The following BBOF1 variants were observed in gnomAD, a reference collection of about 807,000 sequenced individuals.
BBOF1 encodes basal body orientation factor 1, also known as basal body-orientation factor 1.
BBOF1 carries 62 observed loss-of-function variants against 68.0 expected under a neutral mutation model. That is an observed-to-expected ratio of 0.91 (90% CI 0.74 to 1.13). The LOEUF is 1.13. BBOF1 is among the 50% of genes most tolerant of loss of function. The pLI is 0.00. For synonymous variants in BBOF1, 208 were observed against 198.8 expected (o/e 1.05, Z -0.39); for missense variants, 534 against 600.1 (o/e 0.89, Z 1.15).
rs1162199131 is a variant in BBOF1, at chr14:74,055,683, T to A, written c.1386T>A (p.Ser462=). Residue 462 remains serine, a splice_region_variant and synonymous_variant, in exon 9 of 12, where the codon TCT becomes TCA. Transcript: ENST00000394009. ...TTGCAAAAATGAATGGCTGTCCTTC[T>A]AGGTAACTCCCTATTTCTGCAGTGA... ...LLFAKMNGCP[S]RKYNQSSRPP... 6.2e-7 allele frequency: 1 copy of A among 1,608,882 alleles called. No individual in the cohort carries two copies. Among genetic ancestry groups the A allele is most frequent in the Non-Finnish European group, 8.5e-7 (1 of 1,175,710 alleles).
At chr14:74,071,269 A>G in intron 9 of BBOF1, 1 of 1,614,206 alleles carries the variant, frequency 6.2e-7, no homozygotes, top group Non-Finnish European at 8.5e-7. Context: ...AGCAAGAAGC[A>G]TAGTTGCTCC....
chr14:74,036,092 A>G (rs923983083), intron 4 of BBOF1, among the ~76,000 whole-genome samples: 12 of 151,448 alleles, frequency 7.9e-5, no homozygotes, highest in African/African-American at 1.9e-4. Flanking sequence ...GTGTTGCTCT[A>G]TTGCCCACGC....
chr14:74,057,712 C>T (rs1481807084), intron 11 of BBOF1: 2 of 1,215,190 alleles, frequency 1.6e-6, no homozygotes, highest in Non-Finnish European at 2.1e-6. Context: ...ATAATTAGTA[C>T]AATGTAGAAT....
At chr14:74,076,263 T>C (rs1043566210) in intron 9 of BBOF1, among the ~76,000 whole-genome samples, 2 of 152,230 alleles carry the variant, frequency 1.3e-5, no homozygotes, top group Non-Finnish European at 2.9e-5. Flanking sequence ...ATGTGTTGGA[T>C]AGATAATATT....
intron 5 of BBOF1, among the ~76,000 whole-genome samples, chr14:74,043,933 G>A (rs1378155888): frequency 6.6e-6 from 1 of 151,910 alleles, no homozygotes; most frequent in Non-Finnish European, 1.5e-5. Context: ...TTTCTTTAGA[G>A]AGAGATTTCC....
intron 2 of BBOF1, 92 bp from the exon 3 acceptor site, chr14:74,029,092 G>A: frequency 1.3e-6 from 1 of 773,168 alleles, no homozygotes; most frequent in Non-Finnish European, 2.1e-6. Context: ...TGCCATATTG[G>A]TTTTAGTATT....
chr14:74,056,189 G>A (rs571575762), intron 9 of BBOF1, among the ~76,000 whole-genome samples: 83 of 144,032 alleles, frequency 5.8e-4, no homozygotes, highest in South Asian at 4.9e-3. Context: ...GTGCCACAAC[G>A]CCCGGCTAAT....
At chr14:74,070,704 C>T (rs2060537598), downstream of BBOF1, 4 of 181,220 alleles carry the variant, frequency 2.2e-5, no homozygotes, top group Admixed American at 2.2e-4. Context: ...ATTAATTTCA[C>T]TATGTCTCAT....
At chr14:74,033,610 C>CTT (rs1020103433) in intron 3 of BBOF1, among the ~76,000 whole-genome samples, 21 of 151,618 alleles carry the variant, frequency 1.4e-4, no homozygotes, top group Admixed American at 1.2e-3. Flanking sequence ...GGTGCGGTGG[C>CTT]TTATGCCTGT....
At chr14:74,068,809 T>G (rs1296038032), downstream of BBOF1, 2 of 1,605,090 alleles carry the variant, frequency 1.2e-6, no homozygotes, top group Non-Finnish European at 1.7e-6. Context: ...TGTTCCTAGG[T>G]AATTTTCATA....
Position 74,074,956 on chromosome 14 carries a change from A to G in BBOF1, n.1380-3240A>G, listed in dbSNP as rs770633498. 1.9e-6 allele frequency: 3 copies of G among 1,613,918 alleles called. No homozygotes were observed. In the African/African-American group the frequency reaches 4.0e-5, roughly 22 times the overall value. On this transcript the variant is annotated intron_variant and non_coding_transcript_variant, in intron 9 of 12. Coordinates refer to the BBOF1 transcript ENST00000492026. ...AACCTCTATGCCAAATAAACTCACC[A>G]CTGAAGAAGAGAAGGAAGATGCTGA...
At chr14:74,054,632 C>T (rs1344134485) in intron 8 of BBOF1, among the ~76,000 whole-genome samples, 1 of 149,740 alleles carries the variant, frequency 6.7e-6, no homozygotes, top group African/African-American at 2.5e-5. Flanking sequence ...CCGCCTCAGC[C>T]TCCCAAAGTG....
chr14:74,056,445 C>T (rs1446966862), intron 9 of BBOF1, among the ~76,000 whole-genome samples: 1 of 151,854 alleles, frequency 6.6e-6, no homozygotes, highest in East Asian at 1.9e-4. Context: ...GGTGACCTGC[C>T]CGCCTCAGCC....
chr14:74,030,083 CAGTA>C (rs1255437265), intron 3 of BBOF1, among the ~76,000 whole-genome samples: 1 of 152,084 alleles, frequency 6.6e-6, no homozygotes, highest in Non-Finnish European at 1.5e-5. Context: ...GGATATATAC[CAGTA>C]AGGATCTATG....
chr14:74,029,845 T>G (rs1006365366), intron 3 of BBOF1, among the ~76,000 whole-genome samples: 1 of 152,084 alleles, frequency 6.6e-6, no homozygotes, highest in Non-Finnish European at 1.5e-5. Context: ...TTAAAATAGA[T>G]CATGACTCTA....
chr14:74,020,934 C>T (rs879674825), intron 1 of BBOF1, among the ~76,000 whole-genome samples: 2 of 152,160 alleles, frequency 1.3e-5, no homozygotes, highest in Non-Finnish European at 2.9e-5. Flanking sequence ...GGGAATGGAG[C>T]TGGCCTTAAT....
Position 74,057,312 on chromosome 14 carries a change from G to T in BBOF1, c.1578+54G>T, listed in dbSNP as rs764568131. 4.3e-6 allele frequency: 7 copies of T among 1,610,854 alleles called. No homozygotes were observed. In the Admixed American group the frequency reaches 6.7e-5, roughly 15 times the overall value. ...GTATATTGTTGTCACCCTTCCCCAT[G>T]TCGCTTCTTGCTAAATCACGGTTAT... On this transcript the variant is annotated intron_variant, in intron 11 of 11. Coordinates refer to ENST00000394009, the MANE Select transcript of BBOF1 (RefSeq NM_025057.3).
At chr14:74,033,316 C>T (rs1205327926) in intron 3 of BBOF1, among the ~76,000 whole-genome samples, 2 of 152,128 alleles carry the variant, frequency 1.3e-5, no homozygotes, top group Non-Finnish European at 2.9e-5. Context: ...GCCTGTAATC[C>T]CAGTACTTTG....
At chr14:74,072,255 A>G (rs749270082) in intron 9 of BBOF1, 1 of 1,614,254 alleles carries the variant, frequency 6.2e-7, no homozygotes, top group South Asian at 1.1e-5. Context: ...CTGGCGGCTT[A>G]ATACTGAAGT....
Sources: gnomAD v4.1 joint callset for allele counts (sites outside exome capture counted in the v4.1 genomes callset) on GRCh38, gnomAD v4.1.1 for gene constraint, MANE v1.5 for transcripts, NCBI Gene and HGNC (gene_info 2026-07-23, HGNC 2026-07-21) for gene names.